RBMS3: variants seen among roughly 807,000 people sequenced by gnomAD.
RBMS3 encodes the protein RNA-binding motif, single-stranded-interacting protein 3.
A neutral mutation model predicts 66.8 loss-of-function variants in RBMS3; 27 were observed. That is an observed-to-expected ratio of 0.40 (90% CI 0.30 to 0.56). The LOEUF is 0.56. RBMS3 is among the 20% of genes least tolerant of loss of function. The pLI, the probability that RBMS3 is intolerant of heterozygous loss-of-function variation, is 0.40. For synonymous variants in RBMS3, 188 were observed against 183.0 expected, an observed-to-expected ratio of 1.03 and a Z score of -0.22; for missense variants, 513 against 549.5, an observed-to-expected ratio of 0.93 and a Z score of 0.66.
chr3:29,758,896 G>C (rs1036411634), intron 5 of RBMS3, among the ~76,000 whole-genome samples: 1 of 152,130 alleles, frequency 6.6e-6, no homozygotes, highest in Admixed American at 6.5e-5. Context: ...CCAATAATTT[G>C]TACAGAGCCT....
chr3:29,880,361 C>T (rs937852459), intron 7 of RBMS3, among the ~76,000 whole-genome samples: 2 of 152,132 alleles, frequency 1.3e-5, no homozygotes, highest in Admixed American at 1.3e-4. Flanking sequence ...CACTTTTCTA[C>T]ATACATGGTG....
At chr3:29,758,391 T>A (rs1217446392) in intron 5 of RBMS3, among the ~76,000 whole-genome samples, 3 of 152,210 alleles carry the variant, frequency 2.0e-5, no homozygotes, top group South Asian at 4.1e-4. Flanking sequence ...GTTACTTTCT[T>A]CATCTGTACA....
At chr3:29,564,040 AAAAG>A (rs1043095728) in intron 3 of RBMS3, among the ~76,000 whole-genome samples, 7 of 151,912 alleles carry the variant, frequency 4.6e-5, no homozygotes, top group African/African-American at 1.5e-4. Context: ...AGAAGAGAAG[AAAAG>A]AAAGAAGGAA....
At chr3:29,748,426 G>T (rs9880075) in intron 5 of RBMS3, among the ~76,000 whole-genome samples, 18,692 of 152,064 alleles carry the variant, frequency 0.12, 2,561 homozygotes, top group African/African-American at 0.34. Context: ...AGTTGCCCTG[G>T]ATATACAGTC....
intron 1 of RBMS3, among the ~76,000 whole-genome samples, chr3:29,425,735 C>G (rs17023472): frequency 0.11 from 16,874 of 152,186 alleles, 2,251 homozygotes; most frequent in African/African-American, 0.33. Context: ...AAGAATGTTA[C>G]TCTAAGCATA....
chr3:29,476,760 T>A (rs1305760831), intron 2 of RBMS3, among the ~76,000 whole-genome samples: 3 of 152,172 alleles, frequency 2.0e-5, no homozygotes, highest in South Asian at 2.1e-4. Flanking sequence ...TAAAAAAAAA[T>A]AAAAATCACC....
At chr3:29,694,578 A>G (rs919541944) in intron 4 of RBMS3, among the ~76,000 whole-genome samples, 7 of 152,302 alleles carry the variant, frequency 4.6e-5, no homozygotes, top group Admixed American at 2.6e-4. Context: ...GTATATCCGT[A>G]TATGGATGTA....
At chr3:29,815,819 C>G (rs967939130) in intron 6 of RBMS3, among the ~76,000 whole-genome samples, 1 of 151,984 alleles carries the variant, frequency 6.6e-6, no homozygotes, top group African/African-American at 2.4e-5. Context: ...GGATAAAAGA[C>G]TACACATTGG....
chr3:29,892,843 G>GTATGTACGTATT (rs1336972891), intron 8 of RBMS3, among the ~76,000 whole-genome samples: 2 of 137,434 alleles, frequency 1.5e-5, no homozygotes, highest in African/African-American at 5.7e-5. Context: ...ATGTATGTAT[G>GTATGTACGTATT]TATTTATTTA....
chr3:29,509,843 G>A (rs1419522401), intron 3 of RBMS3, among the ~76,000 whole-genome samples: 2 of 152,152 alleles, frequency 1.3e-5, no homozygotes, highest in African/African-American at 4.8e-5. Flanking sequence ...CAACAACAAA[G>A]GACTGTATCG....
At chr3:29,656,607 C>T (rs746151967) in intron 4 of RBMS3, among the ~76,000 whole-genome samples, 1 of 152,018 alleles carries the variant, frequency 6.6e-6, no homozygotes, top group African/African-American at 2.4e-5. Flanking sequence ...AGAGCAAAAC[C>T]CTCACAATGT....
chr3:29,868,732 A>G, intron 6 of RBMS3, 126 bp from the exon 7 acceptor site: 2 of 856,000 alleles, frequency 2.3e-6, no homozygotes, highest in Non-Finnish European at 3.6e-6. Flanking sequence ...AAGGGGGCCA[A>G]ATATCTCTTC....
chr3:29,684,182 T>C (rs765701268), intron 4 of RBMS3, among the ~76,000 whole-genome samples: 73 of 152,212 alleles, frequency 4.8e-4, no homozygotes, highest in Admixed American at 1.3e-3. Context: ...GTAATTTTAA[T>C]AGTTATGGTG....
intron 1 of RBMS3, among the ~76,000 whole-genome samples, chr3:29,377,979 T>C (rs889291521): frequency 4.6e-5 from 7 of 152,204 alleles, no homozygotes; most frequent in African/African-American, 1.7e-4. Context: ...CCATTCCTGA[T>C]ATTATCACCT....
intron 4 of RBMS3, among the ~76,000 whole-genome samples, chr3:29,708,662 G>A (rs1423512131): frequency 2.0e-5 from 3 of 152,192 alleles, no homozygotes; most frequent in Non-Finnish European, 4.4e-5. Flanking sequence ...CCTTGGCACT[G>A]AAGTGGGTGG....
chr3:29,396,565 A>C (rs2039560212), intron 1 of RBMS3, among the ~76,000 whole-genome samples: 1 of 152,202 alleles, frequency 6.6e-6, no homozygotes, highest in African/African-American at 2.4e-5. Flanking sequence ...GGGATAAAGA[A>C]CCATGATTTA....
intron 4 of RBMS3, among the ~76,000 whole-genome samples, chr3:29,626,358 A>G (rs2049061025): frequency 6.6e-6 from 1 of 152,190 alleles, no homozygotes; most frequent in Admixed American, 6.5e-5. Flanking sequence ...AGTCAGGAAC[A>G]TCTGATTGAA....
intron 4 of RBMS3, among the ~76,000 whole-genome samples, chr3:29,593,824 A>C (rs995864223): frequency 7.2e-5 from 11 of 152,242 alleles, no homozygotes; most frequent in African/African-American, 2.4e-4. Flanking sequence ...AAGTTTCATG[A>C]AGTTCACATA....
Position 29,421,854 on chromosome 3 carries a change from A to G in RBMS3, c.76-12889A>G, listed in dbSNP as rs549608507. Among the ~76,000 whole-genome samples, 3 of 152,336 alleles carry G rather than the reference A, an allele frequency of 2.0e-5. No homozygotes were observed. The South Asian group carries it at 6.2e-4, about 32-fold the overall frequency. On this transcript the variant is annotated intron_variant, in intron 1 of 14. Coordinates refer to ENST00000383767, the MANE Select transcript of RBMS3 (RefSeq NM_001003793.3). ...AGCATCAATGGACTTTTTACTTTGT[A>G]TCATGAGATTTTAAATCACACAAGC...
Sources: gnomAD v4.1 joint callset for allele counts (sites outside exome capture counted in the v4.1 genomes callset) on GRCh38, gnomAD v4.1.1 for gene constraint, MANE v1.5 for transcripts, NCBI Gene and HGNC (gene_info 2026-07-23, HGNC 2026-07-21) for gene names.